BBOF1: variants seen among roughly 807,000 people sequenced by gnomAD.
The protein encoded by BBOF1 is basal body orientation factor 1, also known as basal body-orientation factor 1.
Under a neutral mutation model 68.0 loss-of-function variants are expected in BBOF1, and 62 were observed. The ratio of observed to expected loss-of-function variants is 0.91; its 90% CI spans 0.74 to 1.13. BBOF1 has a LOEUF of 1.13. Among genes scored for constraint, BBOF1 ranks in the 50% most tolerant of loss-of-function variants. The pLI is 0.00. For missense variants in BBOF1, 534 were observed against 600.1 expected (o/e 0.89, Z 1.15); for synonymous variants, 208 against 198.8 (o/e 1.05, Z -0.39).
chr14:74,054,212 A>G (rs7359108), intron 8 of BBOF1, among the ~76,000 whole-genome samples: 61,796 of 151,770 alleles, frequency 0.41, 13,829 homozygotes, highest in East Asian at 0.82. Flanking sequence ...GCGTTTCACC[A>G]TGTTAGCCAG....
chr14:74,072,005 T>C (rs2060556455), intron 9 of BBOF1: 2 of 1,604,360 alleles, frequency 1.2e-6, no homozygotes, highest in African/African-American at 1.3e-5. Context: ...TAGAAATTAA[T>C]GCAAGAATGT....
intron 12 of BBOF1, among the ~76,000 whole-genome samples, chr14:74,082,007 G>A (rs1405619022): frequency 6.6e-6 from 1 of 152,114 alleles, no homozygotes; most frequent in Non-Finnish European, 1.5e-5. Flanking sequence ...AAGAGTTCAA[G>A]ACCAGCCTGG....
intron 9 of BBOF1, chr14:74,071,164 A>G: frequency 6.3e-7 from 1 of 1,597,174 alleles, no homozygotes; most frequent in East Asian, 2.2e-5. Context: ...TGGTAGCCAG[A>G]TTAAGTAGCC....
chr14:74,035,138 T>C lies in BBOF1; in HGVS notation c.495+967T>C, dbSNP rs138805259. ...GAGTTACTATTTCATAGAATTGTTA[T>C]AGGATTAAATGAGTTAATATTTGTA... On this transcript the variant is annotated intron_variant, in intron 4 of 11. Transcript: ENST00000394009. 3.6e-3 allele frequency among the ~76,000 whole-genome samples: 545 copies of C among 152,166 alleles called. 4 individuals carry two copies. Among genetic ancestry groups the C allele is most frequent in the African/African-American group, 0.012 (514 of 41,512 alleles).
At chr14:74,054,285 C>T (rs960374820) in intron 8 of BBOF1, among the ~76,000 whole-genome samples, 3 of 152,102 alleles carry the variant, frequency 2.0e-5, no homozygotes, top group African/African-American at 4.8e-5. Context: ...ACTGGGATTA[C>T]GGGTGTGAGC....
intron 2 of BBOF1, among the ~76,000 whole-genome samples, chr14:74,028,515 T>A (rs201215405): frequency 6.2e-5 from 8 of 129,060 alleles, no homozygotes; most frequent in East Asian, 4.1e-4. Context: ...CACACACAAA[T>A]AGAGGGAAAG....
chr14:74,038,932 T>C (rs1024454809), intron 4 of BBOF1, among the ~76,000 whole-genome samples: 3 of 151,978 alleles, frequency 2.0e-5, no homozygotes, highest in Non-Finnish European at 4.4e-5. Flanking sequence ...AAGAAAAAAA[T>C]GTTTTCCATA....
rs369474630 is a variant in BBOF1 at position 74,072,618 on chromosome 14, A to C, written n.1380-5578A>C. Reference sequence around the variant, plus strand: ...TGAAGAGCTTTACAGTTGGCTGAAAAAAACAAACAAACAAACAAACAAACA... The same window carrying C: ...TGAAGAGCTTTACAGTTGGCTGAAACAAACAAACAAACAAACAAACAAACA... On this transcript the variant is annotated intron_variant and non_coding_transcript_variant, in intron 9 of 12. Transcript: ENST00000492026. The C allele has an allele frequency of 2.2e-4, 358 of 1,607,652 alleles. 1 individual carries two copies. Among genetic ancestry groups the C allele is most frequent in the South Asian group, 7.7e-4 (70 of 90,912 alleles).
chr14:74,062,001 T>C (rs2060352705), intron 11 of BBOF1, among the ~76,000 whole-genome samples: 1 of 131,590 alleles, frequency 7.6e-6, no homozygotes, highest in East Asian at 2.2e-4. Flanking sequence ...CTTGAGGCCA[T>C]GAGCTCAAGA....
At chr14:74,077,784 C>T (rs1439694439) in intron 9 of BBOF1, among the ~76,000 whole-genome samples, 3 of 152,182 alleles carry the variant, frequency 2.0e-5, no homozygotes, top group African/African-American at 7.2e-5. Flanking sequence ...GCCACAGCAC[C>T]TGGGTACTTA....
chr14:74,032,910 C>A (rs1476227672), intron 3 of BBOF1, among the ~76,000 whole-genome samples: 5 of 151,934 alleles, frequency 3.3e-5, no homozygotes, highest in African/African-American at 4.8e-5. Context: ...CTTCTTCCCC[C>A]CTTCCTTTTC....
At chr14:74,062,886 T>A (rs1238201094) in intron 11 of BBOF1, among the ~76,000 whole-genome samples, 1 of 152,186 alleles carries the variant, frequency 6.6e-6, no homozygotes, top group Non-Finnish European at 1.5e-5. Flanking sequence ...TCAAAATGGC[T>A]CTAGTCCTAT....
At chr14:74,022,874 G>A (rs1405449326) in intron 1 of BBOF1, 42 bp from the exon 2 acceptor site, 2 of 1,093,370 alleles carry the variant, frequency 1.8e-6, no homozygotes, top group South Asian at 1.5e-5. Context: ...TATTAGAGTT[G>A]TATAAATAGT....
intron 9 of BBOF1, chr14:74,071,750 T>C (rs2060552223): frequency 6.9e-7 from 1 of 1,444,040 alleles, no homozygotes; most frequent in African/African-American, 1.4e-5. Flanking sequence ...GGATACTGAA[T>C]ACTGCCATTT....
intron 4 of BBOF1, among the ~76,000 whole-genome samples, chr14:74,039,869 G>A (rs1236548716): frequency 1.3e-5 from 2 of 152,084 alleles, no homozygotes; most frequent in Non-Finnish European, 1.5e-5. Flanking sequence ...TTTTGAGGGA[G>A]TCTAATGGTA....
At chr14:74,033,976 T>C in intron 3 of BBOF1, 52 bp from the exon 4 acceptor site, 1 of 1,477,090 alleles carries the variant, frequency 6.8e-7, no homozygotes, top group Non-Finnish European at 9.1e-7. Flanking sequence ...AACATGACTT[T>C]GTGGGACTTC....
In BBOF1 at chr14:74,065,049, C is replaced by T; in HGVS notation, c.*350C>T. 7.2e-7 allele frequency: 1 copy of T among 1,397,718 alleles called. No individual in the cohort carries two copies. Among genetic ancestry groups the T allele is most frequent in the East Asian group, 2.4e-5 (1 of 41,192 alleles). The allele number at this position is 1,397,718 out of a possible 1,614,324, so 86.6% of individuals were successfully genotyped here. ...ATCCTCTACCCCATGAACTTTCATT[C>T]CTGAGGAAGAAATGGGGCAATGTGG... On this transcript the variant is annotated 3_prime_UTR_variant, in exon 12 of 12. Transcript: ENST00000394009.
At chr14:74,033,216 AT>A (rs71115945) in intron 3 of BBOF1, among the ~76,000 whole-genome samples, 22,175 of 152,072 alleles carry the variant, frequency 0.15, 1,720 homozygotes, top group Admixed American at 0.2. Context: ...CTTTTCCAAA[AT>A]TTTTTTCTTA....
downstream of BBOF1, chr14:74,070,999 C>T: frequency 4.8e-6 from 3 of 631,446 alleles, no homozygotes; most frequent in Non-Finnish European, 5.6e-6. Flanking sequence ...TACTGTAGGG[C>T]AACAAGCACT....
Sources: gnomAD v4.1 joint callset for allele counts (sites outside exome capture counted in the v4.1 genomes callset) on GRCh38, gnomAD v4.1.1 for gene constraint, MANE v1.5 for transcripts, NCBI Gene and HGNC (gene_info 2026-07-23, HGNC 2026-07-21) for gene names.